The following LRP1B variants were observed in gnomAD, a reference collection of about 807,000 sequenced individuals.
LRP1B encodes the protein LDL receptor related protein 1B, also known as low-density lipoprotein receptor-related protein 1B.
Under a neutral mutation model 556.6 loss-of-function variants are expected in LRP1B, and 217 were observed. The ratio of observed to expected loss-of-function variants is 0.39; its 90% confidence interval spans 0.35 to 0.44. LRP1B has a LOEUF of 0.44. LRP1B is among the 20% of genes least tolerant of loss of function. The pLI is 1.00. For missense variants in LRP1B, 5,053 were observed against 5,620.8 expected (o/e 0.90, Z 3.23); for synonymous variants, 2,047 against 1,865.8 (o/e 1.10, Z -2.50).
intron 2 of LRP1B, among the ~76,000 whole-genome samples, chr2:141,789,200 T>C (rs1450917665): frequency 2.0e-5 from 3 of 151,938 alleles, no homozygotes; most frequent in Non-Finnish European, 2.9e-5. Context: ...TGGATAAGGA[T>C]TGAAGAAAAC....
At chr2:141,886,983 T>C (rs1319287126) in intron 1 of LRP1B, among the ~76,000 whole-genome samples, 1 of 143,090 alleles carries the variant, frequency 7.0e-6, no homozygotes. Flanking sequence ...TTTTTTTGGG[T>C]TTTTTGTTTG....
At chr2:141,609,697 C>T (rs941741215) in intron 2 of LRP1B, among the ~76,000 whole-genome samples, 9 of 152,270 alleles carry the variant, frequency 5.9e-5, no homozygotes, top group Admixed American at 2.0e-4. Flanking sequence ...TGTCAGCTAA[C>T]GCTTTATCTT....
At chr2:141,493,325 C>G (rs1683401850) in intron 2 of LRP1B, among the ~76,000 whole-genome samples, 1 of 152,012 alleles carries the variant, frequency 6.6e-6, no homozygotes, top group Non-Finnish European at 1.5e-5. Flanking sequence ...GTGTAGTAGA[C>G]TATGGAAGAA....
chr2:141,331,522 C>CTCTTTCTCTTTCTTTCTTTCTT (rs1687653571), intron 3 of LRP1B, among the ~76,000 whole-genome samples: 1 of 140,718 alleles, frequency 7.1e-6, no homozygotes, highest in Non-Finnish European at 1.5e-5. Context: ...TTCTTTCTTT[C>CTCTTTCTCTTTCTTTCTTTCTT]TCTTTCTTTC....
chr2:141,796,990 C>T (rs142026128), intron 2 of LRP1B, among the ~76,000 whole-genome samples: 1 of 151,102 alleles, frequency 6.6e-6, no homozygotes, highest in African/African-American at 2.4e-5. Flanking sequence ...CTGTCCGTGT[C>T]TCGAGGAGTT....
chr2:141,476,307 T>C (rs900235254), intron 3 of LRP1B, among the ~76,000 whole-genome samples: 2 of 152,224 alleles, frequency 1.3e-5, no homozygotes, highest in African/African-American at 4.8e-5. Flanking sequence ...TCCATCTTGT[T>C]TCTATTTGTC....
intron 59 of LRP1B, among the ~76,000 whole-genome samples, chr2:140,481,242 T>C (rs1461816904): frequency 6.6e-6 from 1 of 152,186 alleles, no homozygotes; most frequent in Non-Finnish European, 1.5e-5. Context: ...TGGGGTTCTT[T>C]TTTTCCTTGA....
rs150543246 is a variant in LRP1B at position 141,134,188 on chromosome 2, T to C, written c.1013+54233A>G. Among the ~76,000 whole-genome samples, 494 of 151,888 alleles carry C rather than the reference T, an allele frequency of 3.3e-3. 3 individuals carry two copies. The highest frequency in any genetic ancestry group is 0.011 in the African/African-American group (458 of 41,480). On this transcript the variant is annotated intron_variant, in intron 7 of 90. Coordinates refer to ENST00000389484, the MANE Select transcript of LRP1B (RefSeq NM_018557.3). Reference sequence around the variant, plus strand: ...CAGTGATCCTCTGCTTGGCTCCTCATCTACCATGACCTCTGTATCGTATCT... The same window carrying C: ...CAGTGATCCTCTGCTTGGCTCCTCACCTACCATGACCTCTGTATCGTATCT...
At chr2:141,790,348 T>A (rs920751721) in intron 2 of LRP1B, among the ~76,000 whole-genome samples, 1 of 151,644 alleles carries the variant, frequency 6.6e-6, no homozygotes, top group Non-Finnish European at 1.5e-5. Context: ...CCACAAATAA[T>A]TAATTATATT....
intron 47 of LRP1B, among the ~76,000 whole-genome samples, chr2:140,527,298 T>G (rs960344221): frequency 6.6e-6 from 1 of 151,938 alleles, no homozygotes; most frequent in Non-Finnish European, 1.5e-5. Flanking sequence ...CAAATTCAAA[T>G]TTCTACAAGT....
rs557944019 is a variant in LRP1B, at chr2:141,544,829, C to A, written c.206-64296G>T. On this transcript the variant is annotated intron_variant, in intron 2 of 90. Coordinates refer to ENST00000389484, the MANE Select transcript of LRP1B (RefSeq NM_018557.3). Reference sequence around the variant, plus strand: ...TACAAATGTGCACCACCACTCCCAGCTAATTTTTGTATTTTTGGTAGAAGT... The same window carrying A: ...TACAAATGTGCACCACCACTCCCAGATAATTTTTGTATTTTTGGTAGAAGT... Among the ~76,000 whole-genome samples the A allele has an allele frequency of 4.0e-5, 6 of 151,832 alleles. No homozygotes were observed. The East Asian group carries it at 9.7e-4, about 25-fold the overall frequency.
rs2105192999 is a variant in LRP1B, at chr2:141,188,439, G to A, written c.995C>T (p.Ala332Val). Residue 332 changes from alanine (A) to valine (V), a missense_variant, in exon 7 of 91, where the codon GCA becomes GTA. This residue lies in a region of LRP1B where 3,619 missense variants were observed against 3,931.9 expected (regional missense o/e 0.92). Coordinates refer to ENST00000389484, the MANE Select transcript of LRP1B (RefSeq NM_018557.3). ...TTCTTACCCTGCTATTGGATCTACT[G>A]CTATTGCTTTAGGATTGTGAAGCTC... is the stretch of plus-strand genomic sequence containing the variant. ...DLELHNPKAIAVDPIAGKLFF... is the reference protein window; with the variant it reads ...DLELHNPKAIVVDPIAGKLFF... 2 of 1,612,050 alleles carry A rather than the reference G, an allele frequency of 1.2e-6. No individual in the cohort carries two copies. The highest frequency in any genetic ancestry group is 1.7e-5 in the Admixed American group (1 of 59,714).
chr2:140,433,429 A>T (rs557369446), intron 66 of LRP1B, among the ~76,000 whole-genome samples: 114 of 152,326 alleles, frequency 7.5e-4, no homozygotes, highest in African/African-American at 2.3e-3. Context: ...TAATTAATTT[A>T]AAAAATGGTA....
At chr2:141,986,239 G>C (rs1299458015) in intron 1 of LRP1B, among the ~76,000 whole-genome samples, 1 of 151,912 alleles carries the variant, frequency 6.6e-6, no homozygotes, top group Non-Finnish European at 1.5e-5. Context: ...ACGGCTAAAA[G>C]TAGTTAAGAT....
intron 1 of LRP1B, among the ~76,000 whole-genome samples, chr2:142,031,336 T>TCCCACAGCTGCC (rs1415365311): frequency 7.3e-6 from 1 of 137,220 alleles, no homozygotes; most frequent in African/African-American, 2.6e-5. Context: ...ACTTATTTTT[T>TCCCACAGCTGCC]TTTTTTTTTT....
intron 1 of LRP1B, among the ~76,000 whole-genome samples, chr2:141,882,988 A>G (rs2104897495): frequency 6.6e-6 from 1 of 152,330 alleles, no homozygotes; most frequent in East Asian, 1.9e-4. Flanking sequence ...CATTGCGGCT[A>G]AAGTACGCAG....
intron 66 of LRP1B, 40 bp downstream of exon 66, chr2:140,442,464 C>T: frequency 6.3e-7 from 1 of 1,590,524 alleles, no homozygotes. Flanking sequence ...GATGATGACT[C>T]AAATACGGAG....
At chr2:140,411,639 T>G (rs1684973532) in intron 66 of LRP1B, among the ~76,000 whole-genome samples, 1 of 152,118 alleles carries the variant, frequency 6.6e-6, no homozygotes, top group Non-Finnish European at 1.5e-5. Context: ...TTTCTGTTAC[T>G]TATATGGAGA....
chr2:140,332,980 C>T lies in LRP1B; in HGVS notation c.12223+1473G>A, dbSNP rs752388688. 7.9e-5 allele frequency among the ~76,000 whole-genome samples: 12 copies of T among 152,050 alleles called. 1 individual carries two copies. Among genetic ancestry groups the T allele is most frequent in the African/African-American group, 2.2e-4 (9 of 41,506 alleles). ...TTTGAGATTATGCCACTTACCTTGCCGTATTCTTCAAATAGCTCTCTTCAA... is the reference window on the plus strand; with the variant it reads ...TTTGAGATTATGCCACTTACCTTGCTGTATTCTTCAAATAGCTCTCTTCAA... On this transcript the variant is annotated intron_variant, in intron 79 of 90. Coordinates refer to ENST00000389484, the MANE Select transcript of LRP1B (RefSeq NM_018557.3).
Sources: allele counts gnomAD v4.1 joint callset (sites outside exome capture counted in the v4.1 genomes callset), GRCh38; gene constraint gnomAD v4.1.1; regional missense constraint gnomAD v4.1.1; transcripts MANE v1.5; gene names NCBI Gene and HGNC (gene_info 2026-07-23, HGNC 2026-07-21).